The following CHODL variants were observed in gnomAD, a reference collection of about 807,000 sequenced individuals.
CHODL encodes chondrolectin.
Under a neutral mutation model 34.5 loss-of-function variants are expected in CHODL, and 29 were observed. That is an observed-to-expected ratio of 0.84 (90% CI 0.63 to 1.15). CHODL has a LOEUF of 1.15. Ranked by LOEUF, CHODL falls within the 50% of genes most tolerant of loss-of-function variation. The probability of loss-of-function intolerance (pLI) is 0.00; values close to 1 mark genes in which losing one functional copy is unlikely to be tolerated. For synonymous variants in CHODL, 125 were observed against 116.1 expected, an observed-to-expected ratio of 1.08 and a Z score of -0.49; for missense variants, 332 against 332.5, an observed-to-expected ratio of 1.00 and a Z score of 0.01.
intron 1 of CHODL, among the ~76,000 whole-genome samples, chr21:17,969,610 A>C (rs2063598565): frequency 6.6e-6 from 1 of 152,198 alleles, no homozygotes; most frequent in Admixed American, 6.5e-5. Context: ...TGAGAAGGTA[A>C]AAGTTAGCTA....
chr21:18,148,764 A>G (rs2072929503), intron 2 of CHODL, among the ~76,000 whole-genome samples: 1 of 150,490 alleles, frequency 6.6e-6, no homozygotes, highest in Non-Finnish European at 1.5e-5. Context: ...AGTTGCTGAT[A>G]TAAGAAATCT....
intron 2 of CHODL, among the ~76,000 whole-genome samples, chr21:18,152,607 G>A (rs972999034): frequency 2.0e-5 from 3 of 152,160 alleles, no homozygotes; most frequent in Admixed American, 6.5e-5. Context: ...TCAGATCCTG[G>A]CCACATGGCT....
chr21:18,157,269 G>A (rs556615544), intron 2 of CHODL, among the ~76,000 whole-genome samples: 37 of 152,254 alleles, frequency 2.4e-4, no homozygotes, highest in African/African-American at 8.9e-4. Flanking sequence ...TGTTTATGGT[G>A]TATTTATTTA....
intron 2 of CHODL, among the ~76,000 whole-genome samples, chr21:18,203,708 T>G (rs1160256052): frequency 6.6e-6 from 1 of 152,140 alleles, no homozygotes; most frequent in Non-Finnish European, 1.5e-5. Context: ...AAAGCCTAAC[T>G]AATTTGACAT....
At chr21:18,053,015 C>T (rs2824618) in intron 2 of CHODL, among the ~76,000 whole-genome samples, 48,226 of 151,632 alleles carry the variant, frequency 0.32, 9,548 homozygotes, top group Non-Finnish European at 0.45. Flanking sequence ...ACACTGTGTG[C>T]ATTTCAATAA....
intron 2 of CHODL, among the ~76,000 whole-genome samples, chr21:18,187,732 A>G (rs1006824617): frequency 3.0e-4 from 46 of 152,234 alleles, no homozygotes; most frequent in African/African-American, 1.1e-3. Flanking sequence ...TCATTCCTCT[A>G]TGACTTAAGT....
At chr21:18,141,763 A>C (rs887855408) in intron 2 of CHODL, among the ~76,000 whole-genome samples, 1 of 151,454 alleles carries the variant, frequency 6.6e-6, no homozygotes, top group African/African-American at 2.4e-5. Context: ...TGTTGTTGGG[A>C]GAAACTCCTA....
intron 2 of CHODL, among the ~76,000 whole-genome samples, chr21:18,102,416 T>C (rs2065226849): frequency 6.6e-6 from 1 of 152,186 alleles, no homozygotes; most frequent in Non-Finnish European, 1.5e-5. Context: ...AGCAAATTTG[T>C]TAGCTACATC....
chr21:18,224,464 A>G (rs2073913087), intron 2 of CHODL, among the ~76,000 whole-genome samples: 2 of 152,224 alleles, frequency 1.3e-5, no homozygotes, highest in African/African-American at 2.4e-5. Context: ...GCATAAAACT[A>G]CAATATTCAG....
At chr21:17,957,099 T>A (rs2063498352) in intron 1 of CHODL, among the ~76,000 whole-genome samples, 1 of 152,128 alleles carries the variant, frequency 6.6e-6, no homozygotes, top group South Asian at 2.1e-4. Context: ...ATGAATTAAA[T>A]CAGATAGTTG....
intron 2 of CHODL, among the ~76,000 whole-genome samples, chr21:18,059,934 C>A (rs889700153): frequency 6.6e-6 from 1 of 152,000 alleles, no homozygotes; most frequent in Non-Finnish European, 1.5e-5. Context: ...ATTCTTGACA[C>A]CTCCCTCTTT....
At chr21:18,170,157 A>G (rs986651866) in intron 2 of CHODL, among the ~76,000 whole-genome samples, 2 of 151,068 alleles carry the variant, frequency 1.3e-5, no homozygotes, top group African/African-American at 2.4e-5. Context: ...TGATGGAACG[A>G]CTCCTTTACT....
At chr21:18,213,833 G>A (rs886913867) in intron 2 of CHODL, among the ~76,000 whole-genome samples, 11 of 152,064 alleles carry the variant, frequency 7.2e-5, no homozygotes, top group Admixed American at 1.3e-4. Flanking sequence ...AATGAGTCAA[G>A]TCAAAATGAG....
chr21:18,172,063 C>T (rs1601101797), intron 2 of CHODL, among the ~76,000 whole-genome samples: 1 of 152,306 alleles, frequency 6.6e-6, no homozygotes, highest in Non-Finnish European at 1.5e-5. Context: ...AGGGGCACAG[C>T]CTTACATATT....
At chr21:18,144,847 T>C (rs1167378967) in intron 2 of CHODL, among the ~76,000 whole-genome samples, 1 of 150,684 alleles carries the variant, frequency 6.6e-6, no homozygotes, top group East Asian at 1.9e-4. Flanking sequence ...AAGGTAAACA[T>C]GAAAAGCCTT....
At chr21:17,978,141 C>A (rs972597398) in intron 1 of CHODL, among the ~76,000 whole-genome samples, 1 of 151,798 alleles carries the variant, frequency 6.6e-6, no homozygotes, top group Admixed American at 6.6e-5. Flanking sequence ...AAAAACACGT[C>A]GGCCAGGCGT....
chr21:18,089,505 C>G (rs1478021521), intron 2 of CHODL, among the ~76,000 whole-genome samples: 3 of 152,066 alleles, frequency 2.0e-5, no homozygotes, highest in Non-Finnish European at 4.4e-5. Context: ...ATAACAAAAT[C>G]TGTTTGTCAC....
At chr21:18,260,909 A>G (rs1009984926) in intron 4 of CHODL, among the ~76,000 whole-genome samples, 5 of 152,018 alleles carry the variant, frequency 3.3e-5, no homozygotes, top group Non-Finnish European at 5.9e-5. Context: ...CTCTAACAAC[A>G]TGTAGGCGTC....
At position 18,267,225 on chromosome 21, in the gene CHODL, T is replaced by TAGAC. The variant is rs1294815983; in HGVS notation, c.*1190_*1191insCAGA. Reference sequence around the variant, plus strand: ...TTCATTGATGAGGGTTTGCTTGAGATAGAAAATGGTGGCTCCTTTCTGTCT... The same window carrying TAGAC: ...TTCATTGATGAGGGTTTGCTTGAGATAGACAGAAAATGGTGGCTCCTTTCTGTCT... On this transcript the variant is annotated 3_prime_UTR_variant, in exon 6 of 6. Coordinates refer to ENST00000299295, the MANE Select transcript of CHODL (RefSeq NM_024944.3). 1 of 152,096 alleles carries TAGAC rather than the reference T, an allele frequency of 6.6e-6. No individual in the cohort carries two copies. Among genetic ancestry groups the TAGAC allele is most frequent in the African/African-American group, 2.4e-5 (1 of 41,406 alleles). 9.4% of individuals were successfully genotyped at this position (152,096 alleles called of 1,614,324 possible).
Sources: allele counts gnomAD v4.1 joint callset (sites outside exome capture counted in the v4.1 genomes callset), GRCh38; gene constraint gnomAD v4.1.1; transcripts MANE v1.5; gene names NCBI Gene and HGNC (gene_info 2026-07-23, HGNC 2026-07-21).